Variants in PPIP5K2 observed in about 807,000 individuals in gnomAD.
The protein encoded by PPIP5K2 is diphosphoinositol pentakisphosphate kinase 2.
In PPIP5K2, 105 loss-of-function variants were observed where a neutral mutation model predicts 154.6. That is an observed-to-expected ratio of 0.68 (90% CI 0.58 to 0.80). The LOEUF (loss-of-function observed/expected upper bound fraction) is 0.80, where lower values mean the gene tolerates loss of function less well. Ranked by LOEUF, PPIP5K2 falls within the 30% of genes least tolerant of loss-of-function variation. The pLI, the probability that PPIP5K2 is intolerant of heterozygous loss-of-function variation, is 0.00. For synonymous variants in PPIP5K2, 480 were observed against 490.3 expected (o/e 0.98, Z 0.28); for missense variants, 992 against 1,504.6 (o/e 0.66, Z 5.64).
At chr5:103,192,593 T>C (rs1801411713) in intron 29 of PPIP5K2, among the ~76,000 whole-genome samples, 1 of 152,142 alleles carries the variant, frequency 6.6e-6, no homozygotes, top group African/African-American at 2.4e-5. Context: ...ATAGAAATAG[T>C]AGTGACATGT....
Position 103,203,686 on chromosome 5 carries a change from TGAA to T in PPIP5K2, c.*2056_*2058del, listed in dbSNP as rs781937974. ...CCCAAAGAGGTGAACTAGCCCAGCA[TGAA>T]GAATTGTCTAGTCACCCTGAGATAT... On this transcript the variant is annotated 3_prime_UTR_variant, in exon 31 of 31. Coordinates refer to ENST00000358359, the MANE Select transcript of PPIP5K2 (RefSeq NM_001276277.3). 19 of 152,282 alleles carry T rather than the reference TGAA, an allele frequency of 1.2e-4. No individual in the cohort carries two copies. The highest frequency in any genetic ancestry group is 9.7e-4 in the East Asian group (5 of 5,180). The allele number at this position is 152,282 out of a possible 1,614,324, so 9.4% of individuals were successfully genotyped here.
At chr5:103,127,121 T>G (rs1194993013) in intron 1 of PPIP5K2, among the ~76,000 whole-genome samples, 1 of 152,218 alleles carries the variant, frequency 6.6e-6, no homozygotes, top group Non-Finnish European at 1.5e-5. Flanking sequence ...CAGCTTTACC[T>G]CTAAAACAGT....
chr5:103,179,979 T>A, intron 23 of PPIP5K2, 42 bp from the exon 24 acceptor site: 1 of 1,458,968 alleles, frequency 6.9e-7, no homozygotes, highest in Middle Eastern at 1.9e-4. Context: ...AGAGATTTCT[T>A]AAATCTGAAT....
In PPIP5K2 at chr5:103,142,025, G is replaced by A. The variant is rs187919697; in HGVS notation, c.487+3556G>A. Among the ~76,000 whole-genome samples, 1,383 of 152,326 alleles carry A rather than the reference G, an allele frequency of 9.1e-3. 8 individuals are homozygous for A. The highest frequency in any genetic ancestry group is 0.013 in the Non-Finnish European group (859 of 68,014). On this transcript the variant is annotated intron_variant, in intron 5 of 30. Coordinates refer to ENST00000358359, the MANE Select transcript of PPIP5K2 (RefSeq NM_001276277.3). ...TGGAGCTGCCTGCCAGTCACGCGCCGTGTGCTCGCACTCCTCAGCCCTTGG... is the reference window on the plus strand; with the variant it reads ...TGGAGCTGCCTGCCAGTCACGCGCCATGTGCTCGCACTCCTCAGCCCTTGG...
chr5:103,154,618 T>C (rs1554212427), intron 11 of PPIP5K2, 52 bp from the exon 12 acceptor site: 2 of 1,073,614 alleles, frequency 1.9e-6, no homozygotes, highest in East Asian at 4.9e-5. Context: ...AAACATATAT[T>C]GGTAATGTTA....
At position 103,192,374 on chromosome 5, in the gene PPIP5K2, A is replaced by T. The variant is rs570932443; in HGVS notation, c.3493+1392A>T. On this transcript the variant is annotated intron_variant, in intron 29 of 30. Coordinates refer to ENST00000358359, the MANE Select transcript of PPIP5K2 (RefSeq NM_001276277.3). ...TCTCTATAACCTGCTAGAATGGACA[A>T]TGCTGTTACCTCAGAATGCAGTAGA... Among the ~76,000 whole-genome samples, 3 of 152,122 alleles carry T rather than the reference A, an allele frequency of 2.0e-5. No homozygotes were observed. The South Asian group carries it at 6.2e-4, about 31-fold the overall frequency.
intron 5 of PPIP5K2, among the ~76,000 whole-genome samples, chr5:103,145,802 C>T (rs1435885580): frequency 7.9e-5 from 12 of 151,866 alleles, no homozygotes; most frequent in Non-Finnish European, 1.2e-4. Context: ...AAATAAGATC[C>T]AGTATTTGGT....
intron 2 of PPIP5K2, among the ~76,000 whole-genome samples, chr5:103,130,602 T>TA (rs1343783084): frequency 1.3e-5 from 2 of 152,214 alleles, no homozygotes; most frequent in African/African-American, 4.8e-5. Context: ...TTAACTCATT[T>TA]AAAACCTTCA....
intron 21 of PPIP5K2, among the ~76,000 whole-genome samples, chr5:103,174,656 G>C (rs1798435878): frequency 1.3e-5 from 2 of 152,004 alleles, no homozygotes; most frequent in African/African-American, 4.8e-5. Flanking sequence ...AGAGCAAGGT[G>C]CAAGTGCATG....
chr5:103,121,368 T>G (rs1410012639), intron 1 of PPIP5K2, among the ~76,000 whole-genome samples: 1 of 152,202 alleles, frequency 6.6e-6, no homozygotes, highest in African/African-American at 2.4e-5. Context: ...TATGTTAGAT[T>G]ATTATCACCA....
rs1554204448 is a variant in PPIP5K2 at position 103,136,828 on chromosome 5, T to A, written c.401+6T>A. 11 of 1,602,802 alleles carry A rather than the reference T, an allele frequency of 6.9e-6. No individual in the cohort carries two copies. The South Asian group carries it at 1.2e-4, about 18-fold the overall frequency. On this transcript the variant is annotated splice_donor_region_variant and intron_variant, in intron 4 of 30. Coordinates refer to ENST00000358359, the MANE Select transcript of PPIP5K2 (RefSeq NM_001276277.3). ...CAGTATCTCATACAAGATAGGTGAG[T>A]GGTGAAGTTGGCTGAATTAAGGGAA...
Position 103,133,655 on chromosome 5 carries a change from A to G in PPIP5K2, c.310+7A>G, listed in dbSNP as rs781789251. ...ATTTCTTTCCATTCTAAAGGTATTA[A>G]GGGGAGTGGGGGAGAAACTCCTTTA... On this transcript the variant is annotated splice_region_variant and intron_variant, in intron 3 of 30. Transcript: ENST00000358359. The G allele has an allele frequency of 6.4e-7, 1 of 1,572,614 alleles. No homozygotes were observed. Among genetic ancestry groups the G allele is most frequent in the Middle Eastern group, 1.9e-4 (1 of 5,366 alleles).
At chr5:103,122,466 A>G (rs1554199384) in intron 1 of PPIP5K2, among the ~76,000 whole-genome samples, 1 of 152,230 alleles carries the variant, frequency 6.6e-6, no homozygotes, top group Non-Finnish European at 1.5e-5. Flanking sequence ...GCAAAAAGAT[A>G]TTAAATGAAC....
At chr5:103,156,220 C>A (rs1554213372) in intron 14 of PPIP5K2, among the ~76,000 whole-genome samples, 1 of 152,090 alleles carries the variant, frequency 6.6e-6, no homozygotes, top group Non-Finnish European at 1.5e-5. Context: ...CTGAAAACTG[C>A]ATAGGAATTC....
At chr5:103,146,139 A>G (rs1793720212) in intron 5 of PPIP5K2, among the ~76,000 whole-genome samples, 1 of 152,092 alleles carries the variant, frequency 6.6e-6, no homozygotes, top group Admixed American at 6.5e-5. Flanking sequence ...TACTTTGCAT[A>G]TAAGCTACTT....
chr5:103,194,877 CAT>C (rs781855484), intron 29 of PPIP5K2, 21 bp from the exon 30 acceptor site: 4 of 1,592,408 alleles, frequency 2.5e-6, no homozygotes, highest in East Asian at 2.2e-5. Flanking sequence ...ATTAAATTAA[CAT>C]GTTTGTTTAT....
chr5:103,167,340 A>C lies in PPIP5K2; in HGVS notation c.2062+20A>C, dbSNP rs531756869. The stretch of plus-strand genomic sequence containing the variant: ...CATCAGGTAAATATGTTTTTCTTAG[A>C]GCATAGAACAAATAAAAGTTACTAT... On this transcript the variant is annotated intron_variant, in intron 18 of 30. Transcript: ENST00000358359. The C allele has an allele frequency of 1.3e-6, 2 of 1,512,154 alleles. No homozygotes were observed. The highest frequency in any genetic ancestry group is 2.3e-5 in the East Asian group (1 of 42,976). The allele number at this position is 1,512,154 out of a possible 1,614,324, so 93.7% of individuals were successfully genotyped here.
intron 25 of PPIP5K2, among the ~76,000 whole-genome samples, chr5:103,183,681 C>T (rs961327893): frequency 2.2e-4 from 33 of 152,030 alleles, no homozygotes; most frequent in African/African-American, 7.5e-4. Context: ...GGAATTTCAC[C>T]TTGTTAATAA....
intron 1 of PPIP5K2, among the ~76,000 whole-genome samples, chr5:103,121,271 A>G (rs1788668225): frequency 6.6e-6 from 1 of 152,236 alleles, no homozygotes; most frequent in African/African-American, 2.4e-5. Context: ...AGATAAAATA[A>G]TAACGATAGT....
Sources: allele counts gnomAD v4.1 joint callset (sites outside exome capture counted in the v4.1 genomes callset), GRCh38; gene constraint gnomAD v4.1.1; transcripts MANE v1.5; gene names NCBI Gene and HGNC (gene_info 2026-07-23, HGNC 2026-07-21).